Variants in RBPJ observed in about 807,000 individuals in gnomAD.
The protein encoded by RBPJ is recombination signal binding protein for immunoglobulin kappa J region, also known as recombining binding protein suppressor of hairless.
A neutral mutation model predicts 67.8 loss-of-function variants in RBPJ; 9 were observed. The ratio of observed to expected loss-of-function variants is 0.13; its 90% confidence interval spans 0.08 to 0.23. The LOEUF (loss-of-function observed/expected upper bound fraction) is 0.23. Among genes scored for constraint, RBPJ ranks in the 10% least tolerant of loss-of-function variants. The probability of loss-of-function intolerance (pLI) is 1.00; values close to 1 mark genes in which losing one functional copy is unlikely to be tolerated. For synonymous variants in RBPJ, 198 were observed against 203.3 expected (o/e 0.97, Z 0.22); for missense variants, 305 against 595.6 (o/e 0.51, Z 5.08).
chr4:26,247,326 G>A (rs1424180736), intron 1 of RBPJ, among the ~76,000 whole-genome samples: 2 of 151,736 alleles, frequency 1.3e-5, no homozygotes, highest in African/African-American at 4.8e-5. Flanking sequence ...TTTATTCATG[G>A]TAGGCTTTAT....
intron 1 of RBPJ, among the ~76,000 whole-genome samples, chr4:26,331,638 G>A (rs561981749): frequency 1.2e-4 from 18 of 152,218 alleles, no homozygotes; most frequent in African/African-American, 4.3e-4. Context: ...TATGATCTTT[G>A]TCTTGTATTT....
intron 1 of RBPJ, among the ~76,000 whole-genome samples, chr4:26,210,756 T>TTTACTTCTTTCC (rs1560212209): frequency 3.7e-5 from 4 of 108,434 alleles, no homozygotes; most frequent in East Asian, 2.7e-4. Flanking sequence ...TCTTTCCTTC[T>TTTACTTCTTTCC]TTCTTTCTTT....
chr4:26,294,875 C>CA (rs58086685), intron 1 of RBPJ, among the ~76,000 whole-genome samples: 2,108 of 120,600 alleles, frequency 0.017, 33 homozygotes, highest in African/African-American at 0.043. Flanking sequence ...GACTCCGTCT[C>CA]AAAAAAAAAA....
In RBPJ at chr4:26,280,069, G is replaced by A. The variant is rs545437493; in HGVS notation, c.-166-82377G>A. Among the ~76,000 whole-genome samples the A allele has an allele frequency of 1.6e-4, 24 of 150,808 alleles. No homozygotes were observed. The East Asian group carries it at 4.1e-3, about 26-fold the overall frequency. On this transcript the variant is annotated intron_variant, in intron 1 of 4. Transcript: ENST00000512351. The stretch of plus-strand genomic sequence containing the variant: ...CCCAAAGTGCTGGGATTACAGGCAT[G>A]AGCCACCGTGCCCGACCAAAATTGT...
At chr4:26,267,756 C>T (rs1319629698) in intron 1 of RBPJ, among the ~76,000 whole-genome samples, 1 of 151,998 alleles carries the variant, frequency 6.6e-6, no homozygotes, top group Non-Finnish European at 1.5e-5. Context: ...TACAGGCACG[C>T]ACCACCACAC....
chr4:26,243,550 G>A (rs561413017), intron 1 of RBPJ, among the ~76,000 whole-genome samples: 4 of 152,180 alleles, frequency 2.6e-5, no homozygotes, highest in Admixed American at 2.6e-4. Flanking sequence ...ACATTTGGAT[G>A]ATCTGCATAA....
At chr4:26,389,856 C>G (rs1731323018) in intron 2 of RBPJ, among the ~76,000 whole-genome samples, 1 of 152,054 alleles carries the variant, frequency 6.6e-6, no homozygotes, top group Non-Finnish European at 1.5e-5. Context: ...TTGAATTCTA[C>G]TGTATATTTA....
intron 1 of RBPJ, among the ~76,000 whole-genome samples, chr4:26,352,302 T>C (rs963348392): frequency 7.2e-5 from 11 of 152,220 alleles, no homozygotes; most frequent in Admixed American, 2.6e-4. Flanking sequence ...TAGCTGTATC[T>C]ACACATGGTG....
chr4:26,285,364 T>C (rs947948192), intron 1 of RBPJ, among the ~76,000 whole-genome samples: 1 of 141,092 alleles, frequency 7.1e-6, no homozygotes, highest in Non-Finnish European at 1.5e-5. Flanking sequence ...GCATAACAAG[T>C]TACCCCAAAA....
In RBPJ at chr4:26,253,839, A is replaced by G. The variant is rs572768390; in HGVS notation, c.-167+90225A>G. 3.4e-5 allele frequency among the ~76,000 whole-genome samples: 5 copies of G among 148,782 alleles called. No individual in the cohort carries two copies. In the South Asian group the frequency reaches 1.0e-3, roughly 31 times the overall value. ...TATCTTCTTTGTTTTCTTGTGATAA[A>G]TTATTTTTACACTAAAATTGGGGTG... On this transcript the variant is annotated intron_variant, in intron 1 of 4. Coordinates refer to the RBPJ transcript ENST00000512351.
upstream of RBPJ, among the ~76,000 whole-genome samples, chr4:26,316,595 AATATATATATACACATATTGAT>A (rs1470620547): frequency 5.8e-5 from 7 of 121,476 alleles, no homozygotes; most frequent in African/African-American, 1.8e-4. Flanking sequence ...TCATATATAT[AATATATATATACACATATTGAT>A]ATATATATAC....
intron 1 of RBPJ, among the ~76,000 whole-genome samples, chr4:26,262,429 G>T (rs1340543329): frequency 6.6e-6 from 1 of 152,174 alleles, no homozygotes; most frequent in African/African-American, 2.4e-5. Context: ...GATTATCAGA[G>T]CAAAATTAAT....
chr4:26,134,617 C>T, the RBPJ span, among the ~76,000 whole-genome samples: 1 of 152,214 alleles, frequency 6.6e-6, no homozygotes, highest in Non-Finnish European at 1.5e-5. Flanking sequence ...CTTCCCTAGC[C>T]CATTCTCATT....
intron 2 of RBPJ, among the ~76,000 whole-genome samples, chr4:26,394,610 A>G (rs1650984363): frequency 6.6e-6 from 1 of 152,204 alleles, no homozygotes; most frequent in Admixed American, 6.5e-5. Flanking sequence ...GCAGTTATGC[A>G]TTGGTCTTCA....
Position 26,303,094 on chromosome 4 carries a change from A to T in RBPJ, c.-166-59352A>T, listed in dbSNP as rs28686781. Among the ~76,000 whole-genome samples the T allele has an allele frequency of 7.3e-3, 1,114 of 151,716 alleles. 12 individuals carry two copies. Among genetic ancestry groups the T allele is most frequent in the African/African-American group, 0.025 (1,047 of 41,336 alleles). On this transcript the variant is annotated intron_variant, in intron 1 of 4. Transcript: ENST00000512351. Reference sequence around the variant, plus strand: ...TACTCAGGAGGCTGAGGAAATAGAAACGCTTGAATCTGGGAGGTGGAGGCT... The same window carrying T: ...TACTCAGGAGGCTGAGGAAATAGAATCGCTTGAATCTGGGAGGTGGAGGCT...
the RBPJ span, among the ~76,000 whole-genome samples, chr4:26,106,501 C>G: frequency 6.6e-6 from 1 of 152,190 alleles, no homozygotes; most frequent in Admixed American, 6.5e-5. Context: ...TGGCATATCA[C>G]CTGGTCATGT....
intron 1 of RBPJ, among the ~76,000 whole-genome samples, chr4:26,191,331 A>T (rs1409529588): frequency 6.7e-6 from 1 of 149,324 alleles, no homozygotes; most frequent in Non-Finnish European, 1.5e-5. Context: ...ATATATACAG[A>T]CTCCTCTACT....
At chr4:26,385,374 G>C (rs1019493416) in intron 1 of RBPJ, among the ~76,000 whole-genome samples, 2 of 152,084 alleles carry the variant, frequency 1.3e-5, no homozygotes, top group African/African-American at 2.4e-5. Context: ...ACAACTCTTT[G>C]AGGTAAGCAC....
upstream of RBPJ, among the ~76,000 whole-genome samples, chr4:26,317,468 G>T (rs540073399): frequency 6.6e-6 from 1 of 152,242 alleles, no homozygotes; most frequent in South Asian, 2.1e-4. Context: ...GATCAGGGGG[G>T]GTTTGGCAGT....
Sources: allele counts gnomAD v4.1 joint callset (sites outside exome capture counted in the v4.1 genomes callset), GRCh38; gene constraint gnomAD v4.1.1; transcripts MANE v1.5; gene names NCBI Gene and HGNC (gene_info 2026-07-23, HGNC 2026-07-21).